Variants in CCDC60 observed in about 807,000 individuals in gnomAD.
The protein encoded by CCDC60 is coiled-coil domain-containing protein 60.
A neutral mutation model predicts 63.5 loss-of-function variants in CCDC60; 54 were observed. That is an observed-to-expected ratio of 0.85 (90% confidence interval 0.68 to 1.07). The LOEUF is 1.07. Among genes scored for constraint, CCDC60 ranks in the 50% least tolerant of loss-of-function variants. CCDC60 has a pLI of 0.00. For missense variants in CCDC60, 651 were observed against 684.3 expected, an observed-to-expected ratio of 0.95 and a Z score of 0.54; for synonymous variants, 206 against 238.8, an observed-to-expected ratio of 0.86 and a Z score of 1.27.
At chr12:119,355,398 C>T (rs76490155) in intron 1 of CCDC60, among the ~76,000 whole-genome samples, 1 of 152,242 alleles carries the variant, frequency 6.6e-6, no homozygotes, top group South Asian at 2.1e-4. Flanking sequence ...CAGTCAGAGC[C>T]TTCATCATGC....
chr12:119,394,188 A>G (rs1565983386), intron 1 of CCDC60, among the ~76,000 whole-genome samples: 1 of 152,194 alleles, frequency 6.6e-6, no homozygotes, highest in East Asian at 1.9e-4. Flanking sequence ...CACCTTCACC[A>G]TGGTAGAAAT....
intron 1 of CCDC60, among the ~76,000 whole-genome samples, chr12:119,369,253 A>T (rs369132930): frequency 6.6e-6 from 1 of 152,162 alleles, no homozygotes; most frequent in Non-Finnish European, 1.5e-5. Context: ...GACGCTCGCA[A>T]TGTAGGTTTT....
chr12:119,460,879 G>A (rs1950844772), intron 2 of CCDC60, among the ~76,000 whole-genome samples: 2 of 152,098 alleles, frequency 1.3e-5, no homozygotes, highest in South Asian at 4.1e-4. Context: ...GTAAAAACAT[G>A]GTCTAAAGGG....
chr12:119,431,667 GTGTT>G lies in CCDC60; in HGVS notation c.170+2923_170+2926del, dbSNP rs34475367. 2.9e-3 allele frequency among the ~76,000 whole-genome samples: 442 copies of G among 151,810 alleles called. 5 individuals carry two copies. The highest frequency in any genetic ancestry group is 9.8e-3 in the African/African-American group (406 of 41,410). ...CATTGTTTTTTGTTTTTCTGTGTTT[GTGTT>G]TGTTTGTTTGTTTGTTTTTTGTTTT... On this transcript the variant is annotated intron_variant, in intron 2 of 13. Coordinates refer to ENST00000327554, the MANE Select transcript of CCDC60 (RefSeq NM_178499.5).
chr12:119,339,151 C>T (rs1955505478), intron 1 of CCDC60, among the ~76,000 whole-genome samples: 1 of 152,082 alleles, frequency 6.6e-6, no homozygotes, highest in Non-Finnish European at 1.5e-5. Flanking sequence ...CCTAAGGAAG[C>T]AGACGAAGTC....
intron 1 of CCDC60, among the ~76,000 whole-genome samples, chr12:119,382,466 T>G (rs1239023932): frequency 6.6e-6 from 1 of 151,926 alleles, no homozygotes; most frequent in Non-Finnish European, 1.5e-5. Context: ...AGCACCTAAC[T>G]GATGAAGGGG....
At chr12:119,398,765 T>C (rs1941366690) in intron 1 of CCDC60, among the ~76,000 whole-genome samples, 2 of 152,254 alleles carry the variant, frequency 1.3e-5, no homozygotes, top group South Asian at 4.1e-4. Context: ...GTCTTAAGAT[T>C]GTTTAATGCG....
At chr12:119,464,836 T>C (rs978125725) in intron 2 of CCDC60, among the ~76,000 whole-genome samples, 4 of 152,202 alleles carry the variant, frequency 2.6e-5, no homozygotes, top group African/African-American at 7.2e-5. Context: ...TCTGGCAAAA[T>C]ATTACATGAT....
intron 2 of CCDC60, among the ~76,000 whole-genome samples, chr12:119,444,599 G>A (rs1281451584): frequency 6.6e-6 from 1 of 152,064 alleles, no homozygotes; most frequent in Non-Finnish European, 1.5e-5. Flanking sequence ...TTATCCCACA[G>A]AAAGTTGGCG....
intron 13 of CCDC60, among the ~76,000 whole-genome samples, chr12:119,537,937 G>A (rs1369318139): frequency 6.6e-6 from 1 of 152,222 alleles, no homozygotes; most frequent in Non-Finnish European, 1.5e-5. Flanking sequence ...GGGAGAACCA[G>A]TACTCTCTTC....
intron 2 of CCDC60, among the ~76,000 whole-genome samples, chr12:119,438,892 G>A (rs1950378266): frequency 6.6e-6 from 1 of 152,010 alleles, no homozygotes; most frequent in Non-Finnish European, 1.5e-5. Context: ...GACAGAATGA[G>A]ATAATGTACA....
chr12:119,426,319 G>C (rs759220883), intron 1 of CCDC60, among the ~76,000 whole-genome samples: 1 of 151,488 alleles, frequency 6.6e-6, no homozygotes, highest in Admixed American at 6.6e-5. Flanking sequence ...TTTATGTTTT[G>C]CTTTCTTTTC....
chr12:119,429,924 CTAA>C (rs1422584591), intron 2 of CCDC60, among the ~76,000 whole-genome samples: 1 of 152,072 alleles, frequency 6.6e-6, no homozygotes, highest in Non-Finnish European at 1.5e-5. Flanking sequence ...GAAAGTAATT[CTAA>C]TAATATTTTT....
intron 7 of CCDC60, among the ~76,000 whole-genome samples, chr12:119,507,368 T>C (rs1241433135): frequency 6.6e-6 from 1 of 150,936 alleles, no homozygotes; most frequent in African/African-American, 2.4e-5. Context: ...AAGTAGTATC[T>C]GAGATGGGAA....
intron 1 of CCDC60, among the ~76,000 whole-genome samples, chr12:119,338,476 C>G (rs1565961334): frequency 6.6e-6 from 1 of 152,146 alleles, no homozygotes; most frequent in Non-Finnish European, 1.5e-5. Context: ...CACTGAGGCT[C>G]AGAGAGGACA....
At chr12:119,360,349 C>G (rs1272044909) in intron 1 of CCDC60, among the ~76,000 whole-genome samples, 4 of 84,916 alleles carry the variant, frequency 4.7e-5, no homozygotes, top group Non-Finnish European at 6.4e-5. Flanking sequence ...GGCTGACGCC[C>G]CCACCTCCCT....
chr12:119,528,475 C>A, intron 11 of CCDC60, 140 bp from the exon 12 acceptor site: 2 of 973,504 alleles, frequency 2.1e-6, no homozygotes, highest in South Asian at 1.7e-5. Context: ...AAGCCAGAGC[C>A]TAAGTTAAAG....
chr12:119,411,891 C>G (rs1252718651), intron 1 of CCDC60, among the ~76,000 whole-genome samples: 1 of 152,022 alleles, frequency 6.6e-6, no homozygotes, highest in Non-Finnish European at 1.5e-5. Flanking sequence ...AACAACCCTT[C>G]CAGCCCCCAC....
intron 1 of CCDC60, among the ~76,000 whole-genome samples, chr12:119,344,513 C>T (rs1219351962): frequency 1.3e-5 from 2 of 152,158 alleles, no homozygotes; most frequent in Non-Finnish European, 2.9e-5. Context: ...ACTACCTGGT[C>T]CATAGCACCA....
Sources: gnomAD v4.1 joint callset for allele counts (sites outside exome capture counted in the v4.1 genomes callset) on GRCh38, gnomAD v4.1.1 for gene constraint, MANE v1.5 for transcripts, NCBI Gene and HGNC (gene_info 2026-07-23, HGNC 2026-07-21) for gene names.